The following ACTN1 variants were observed in gnomAD, a reference collection of about 807,000 sequenced individuals.
The protein encoded by ACTN1 is alpha-actinin-1.
A neutral mutation model predicts 119.6 loss-of-function variants in ACTN1; 30 were observed. The observed-to-expected ratio is 0.25, with a 90% confidence interval of 0.19 to 0.34. ACTN1 has a LOEUF of 0.34. ACTN1 is among the 10% of genes least tolerant of loss of function. The pLI is 1.00. For missense variants in ACTN1, 764 were observed against 1,223.4 expected (o/e 0.62, Z 5.60); for synonymous variants, 429 against 472.6 (o/e 0.91, Z 1.20).
chr14:68,892,228 T>C lies in ACTN1; in HGVS notation c.911A>G (p.Asn304Ser), dbSNP rs764572294. ...CTTCTGTTGCATGGCATGCATGGTG[T>C]TCTCGGGCACCCGGTTCTCCAGCCA... is the stretch of plus-strand genomic sequence containing the variant. The part of the protein sequence containing the change: ...IPWLENRVPE[N>S]TMHAMQQKLE... The change falls in exon 10 of 22, where the codon AAC (asparagine) becomes AGC (serine). Residue 304 changes from asparagine to serine, a missense_variant. Transcript: ENST00000394419. 6.8e-6 allele frequency: 11 copies of C among 1,614,142 alleles called. No homozygotes were observed. In the South Asian group the frequency reaches 1.2e-4, roughly 18 times the overall value.
At position 68,882,141 on chromosome 14, in the gene ACTN1, G is replaced by A. The variant is rs1344339241; in HGVS notation, c.1953+317C>T. 6.6e-6 allele frequency among the ~76,000 whole-genome samples: 1 copy of A among 151,856 alleles called. No homozygotes were observed. Among genetic ancestry groups the A allele is most frequent in the African/African-American group, 2.4e-5 (1 of 41,332 alleles). ...AGTAGAGACGGGGTTTCACCATGTT[G>A]GCCAGGCTGGTCTCGAACTCCTGAC... On this transcript the variant is annotated intron_variant, in intron 16 of 21. Coordinates refer to ENST00000394419, the MANE Select transcript of ACTN1 (RefSeq NM_001130004.2). The surrounding 1 kb of genome is among the most constrained non-coding windows in gnomAD (Gnocchi z 4.5).
chr14:68,936,702 G>A, intron 1 of ACTN1: 1 of 637,320 alleles, frequency 1.6e-6, no homozygotes, highest in Non-Finnish European at 3.0e-6. Context: ...GAAGCCGGAG[G>A]AAAGGGGCTT....
chr14:68,936,526 T>G (rs2035524033), intron 1 of ACTN1: 3 of 264,554 alleles, frequency 1.1e-5, no homozygotes, highest in East Asian at 9.0e-5. Flanking sequence ...AGTATGCAAA[T>G]AAAAGAACAG....
At chr14:68,887,634 A>T in intron 11 of ACTN1, 1 of 1,366,234 alleles carries the variant, frequency 7.3e-7, no homozygotes, top group East Asian at 2.7e-5. Context: ...ATTTACACTT[A>T]AAAAATGGGA....
In ACTN1 at chr14:68,877,181, C is replaced by T; in HGVS notation, c.2487G>A (p.Val829=). Residue 829 remains valine (V), a synonymous_variant, in exon 21 of 22, where the codon GTG becomes GTA. Transcript: ENST00000394419. ...SIVDPNRLGV[V]TFQAFIDFMS... Reference sequence around the variant, plus strand: ...TGAAGTCAATGAAGGCCTGGAATGTCACTACCCCCAGGCGGTTGGGGTCCA... The same window carrying T: ...TGAAGTCAATGAAGGCCTGGAATGTTACTACCCCCAGGCGGTTGGGGTCCA... 1 of 1,614,220 alleles carries T rather than the reference C, an allele frequency of 6.2e-7. No homozygotes were observed. The highest frequency in any genetic ancestry group is 8.5e-7 in the Non-Finnish European group (1 of 1,180,050).
At chr14:68,961,337 G>T (rs903464204) in intron 1 of ACTN1, among the ~76,000 whole-genome samples, 4 of 152,186 alleles carry the variant, frequency 2.6e-5, no homozygotes, top group Non-Finnish European at 5.9e-5. Flanking sequence ...AATAATGCAG[G>T]CATGAAGATT....
chr14:68,897,331 CAACTT>C (rs1406984467), intron 8 of ACTN1, among the ~76,000 whole-genome samples: 4 of 151,902 alleles, frequency 2.6e-5, no homozygotes, highest in African/African-American at 9.7e-5. Flanking sequence ...CGCTATTATA[CAACTT>C]AACATATACA....
intron 1 of ACTN1, 53 bp downstream of exon 1, chr14:68,978,899 C>A (rs1025828589): frequency 1.2e-4 from 134 of 1,113,368 alleles, no homozygotes; most frequent in Non-Finnish European, 1.7e-4. Flanking sequence ...CAGAGCGGGT[C>A]GGGGCTGGGG....
At chr14:68,897,431 T>G (rs1324301171) in intron 8 of ACTN1, among the ~76,000 whole-genome samples, 3 of 152,208 alleles carry the variant, frequency 2.0e-5, no homozygotes, top group Non-Finnish European at 4.4e-5. Context: ...TATGAACTAT[T>G]ATTATCCCTG....
chr14:68,887,601 G>T, intron 11 of ACTN1: 2 of 1,403,998 alleles, frequency 1.4e-6, no homozygotes, highest in Non-Finnish European at 1.9e-6. Flanking sequence ...ATCAGCAAAT[G>T]ATTTCACCTC....
intron 1 of ACTN1, among the ~76,000 whole-genome samples, chr14:68,952,874 G>C (rs2036214706): frequency 1.3e-5 from 2 of 152,108 alleles, no homozygotes; most frequent in African/African-American, 4.8e-5. Flanking sequence ...CAGCCCCCAG[G>C]AGGGCCTGAC....
chr14:68,921,253 G>A, intron 2 of ACTN1, 128 bp from the exon 3 acceptor site: 1 of 1,211,704 alleles, frequency 8.3e-7, no homozygotes, highest in Non-Finnish European at 1.1e-6. Context: ...GTGCACGTGT[G>A]TGTGTGCTCA....
At chr14:68,908,614 C>T (rs550194758) in intron 6 of ACTN1, among the ~76,000 whole-genome samples, 1 of 152,198 alleles carries the variant, frequency 6.6e-6, no homozygotes, top group Admixed American at 6.5e-5. Flanking sequence ...CAAGAGGGAA[C>T]CTGGAGAGTG....
chr14:68,933,108 G>A (rs547249934), intron 1 of ACTN1, among the ~76,000 whole-genome samples: 2 of 152,176 alleles, frequency 1.3e-5, no homozygotes, highest in South Asian at 4.2e-4. Flanking sequence ...TGTAGGACAA[G>A]TTAGTCCTTA....
Position 68,875,039 on chromosome 14 carries a change from G to A in ACTN1, c.2587-22C>T, listed in dbSNP as rs551047030. ...AGTTCTGCGAGGAGAGAGTGGTCAG[G>A]AAGGCCGCAAAGTCCAGCAGCCGTA... On this transcript the variant is annotated intron_variant, in intron 21 of 21. Coordinates refer to ENST00000394419, the MANE Select transcript of ACTN1 (RefSeq NM_001130004.2). 42 of 1,610,792 alleles carry A rather than the reference G, an allele frequency of 2.6e-5. No homozygotes were observed. The South Asian group carries it at 4.1e-4, about 16-fold the overall frequency.
chr14:68,878,885 G>A lies in ACTN1; in HGVS notation c.2361+104C>T, dbSNP rs756199741. 4 of 1,600,102 alleles carry A rather than the reference G, an allele frequency of 2.5e-6. No individual in the cohort carries two copies. The highest frequency in any genetic ancestry group is 2.2e-5 in the South Asian group (2 of 90,584). On this transcript the variant is annotated intron_variant, in intron 19 of 21. Coordinates refer to ENST00000394419, the MANE Select transcript of ACTN1 (RefSeq NM_001130004.2). The surrounding 1 kb of genome is among the most constrained non-coding windows in gnomAD (Gnocchi z 4.4). ...AGAGGACGAGCCCCATGGCCCACAGGAGGGGGACAGGAGATCCAGACAGAG... is the reference window on the plus strand; with the variant it reads ...AGAGGACGAGCCCCATGGCCCACAGAAGGGGGACAGGAGATCCAGACAGAG...
At chr14:68,938,534 T>C (rs1200884736) in intron 1 of ACTN1, among the ~76,000 whole-genome samples, 7 of 152,148 alleles carry the variant, frequency 4.6e-5, no homozygotes, top group Non-Finnish European at 1.0e-4. Flanking sequence ...TTAGACCCTA[T>C]GTCCTGAAAG....
At chr14:68,929,662 C>A (rs901212132) in intron 1 of ACTN1, among the ~76,000 whole-genome samples, 2 of 152,050 alleles carry the variant, frequency 1.3e-5, no homozygotes, top group Non-Finnish European at 2.9e-5. Context: ...GACCAAGGAC[C>A]ACACTGGGAT....
intron 1 of ACTN1, among the ~76,000 whole-genome samples, chr14:68,966,694 C>T (rs933369891): frequency 1.3e-5 from 2 of 152,180 alleles, no homozygotes; most frequent in Non-Finnish European, 2.9e-5. Context: ...AGATCCACAC[C>T]CCTCGGGATA....
Sources: allele counts gnomAD v4.1 joint callset (sites outside exome capture counted in the v4.1 genomes callset), GRCh38; gene constraint gnomAD v4.1.1; non-coding constraint Gnocchi (gnomAD v3.1); transcripts MANE v1.5; gene names NCBI Gene and HGNC (gene_info 2026-07-23, HGNC 2026-07-21).